Variants in FAM193A observed in about 807,000 individuals in gnomAD.
The protein encoded by FAM193A is protein FAM193A.
In FAM193A, 22 loss-of-function variants were observed where a neutral mutation model predicts 126.5. The ratio of observed to expected loss-of-function variants is 0.17; its 90% CI spans 0.12 to 0.25. The LOEUF (loss-of-function observed/expected upper bound fraction) is 0.25. Ranked by LOEUF, FAM193A falls within the 10% of genes least tolerant of loss-of-function variation. The pLI is 1.00. For missense variants in FAM193A, 1,675 were observed against 1,672.8 expected, an observed-to-expected ratio of 1.00 and a Z score of -0.02; for synonymous variants, 761 against 646.8, an observed-to-expected ratio of 1.18 and a Z score of -2.68.
At chr4:2,633,379 A>G (rs897996291) in intron 5 of FAM193A, among the ~76,000 whole-genome samples, 1 of 152,138 alleles carries the variant, frequency 6.6e-6, no homozygotes, top group African/African-American at 2.4e-5. Context: ...AGTCTGGGCA[A>G]CAGAGCGAGA....
intron 7 of FAM193A, among the ~76,000 whole-genome samples, chr4:2,651,240 G>A (rs1232646974): frequency 6.6e-6 from 1 of 152,204 alleles, no homozygotes; most frequent in East Asian, 1.9e-4. Context: ...TGAGGCAGGA[G>A]AGTCACTTGA....
At chr4:2,573,857 A>G (rs1739431022) in intron 1 of FAM193A, among the ~76,000 whole-genome samples, 1 of 152,034 alleles carries the variant, frequency 6.6e-6, no homozygotes, top group Non-Finnish European at 1.5e-5. Flanking sequence ...TGAGGGGTGC[A>G]CCCGGCTCTT....
In FAM193A at chr4:2,606,507, T is replaced by C. The variant is rs183888712; in HGVS notation, c.501+10178T>C. Among the ~76,000 whole-genome samples the C allele has an allele frequency of 3.8e-4, 58 of 152,332 alleles. 1 individual carries two copies. The East Asian group carries it at 9.6e-3, about 25-fold the overall frequency. On this transcript the variant is annotated intron_variant, in intron 2 of 20. Transcript: ENST00000637812. ...TTGTGGATATTTTTCTTTGATGCTG[T>C]ACCAAACCATGACAAGTTAGTTTCT... is the stretch of plus-strand genomic sequence containing the variant.
Position 2,556,332 on chromosome 4 carries a change from A to G in FAM193A, c.255+19162A>G, listed in dbSNP as rs1467873781. On this transcript the variant is annotated intron_variant, in intron 1 of 20. Coordinates refer to ENST00000637812, the MANE Select transcript of FAM193A (RefSeq NM_001366318.2). Reference sequence around the variant, plus strand: ...GCAATTCCCCTGCCTCAGCCTTCCGAGTAGCTGGGACTACAGGTACGCACC... The same window carrying G: ...GCAATTCCCCTGCCTCAGCCTTCCGGGTAGCTGGGACTACAGGTACGCACC... Among the ~76,000 whole-genome samples, 4 of 152,084 alleles carry G rather than the reference A, an allele frequency of 2.6e-5. No individual in the cohort carries two copies. The East Asian group carries it at 5.8e-4, about 22-fold the overall frequency.
At chr4:2,618,275 A>G (rs1319301799) in intron 2 of FAM193A, among the ~76,000 whole-genome samples, 1 of 152,142 alleles carries the variant, frequency 6.6e-6, no homozygotes, top group Non-Finnish European at 1.5e-5. Context: ...GTGGGCTTAC[A>G]TAGTGTGAAT....
intron 19 of FAM193A, among the ~76,000 whole-genome samples, chr4:2,706,500 T>C (rs1026543854): frequency 6.6e-6 from 1 of 152,008 alleles, no homozygotes; most frequent in Non-Finnish European, 1.5e-5. Flanking sequence ...TTCTCCTTGT[T>C]GGTCAGGCTG....
chr4:2,727,892 C>T (rs1241751926), intron 20 of FAM193A, among the ~76,000 whole-genome samples: 2 of 151,522 alleles, frequency 1.3e-5, no homozygotes, highest in African/African-American at 4.9e-5. Flanking sequence ...CAGTTCATTG[C>T]TGGGACTACA....
At chr4:2,720,729 A>G (rs1255008484) in intron 20 of FAM193A, among the ~76,000 whole-genome samples, 1 of 152,242 alleles carries the variant, frequency 6.6e-6, no homozygotes, top group African/African-American at 2.4e-5. Flanking sequence ...AGCATTTATA[A>G]TAGCACCAAA....
chr4:2,596,164 G>A lies in FAM193A; in HGVS notation c.336G>A (p.Arg112=). The change falls in exon 2 of 21, where the codon CGG becomes CGA. Residue 112 remains arginine, a synonymous_variant. Transcript: ENST00000637812. The stretch of plus-strand genomic sequence containing the variant: ...ATTGTCTTCTGTGCAGAAGTGAACG[G>A]AAAGACTCATCATTCTTAGAGAGTG... ...GDYCLLCRSE[R]KDSSFLESGI... 1 of 702,978 alleles carries A rather than the reference G, an allele frequency of 1.4e-6. No homozygotes were observed. The highest frequency in any genetic ancestry group is 2.6e-6 in the Non-Finnish European group (1 of 384,996). The allele number at this position is 702,978 out of a possible 1,614,324, so 43.5% of individuals were successfully genotyped here.
chr4:2,679,351 C>T (rs1020621747), intron 13 of FAM193A, among the ~76,000 whole-genome samples: 4 of 147,058 alleles, frequency 2.7e-5, no homozygotes, highest in Non-Finnish European at 4.5e-5. Context: ...TGTTCACAAG[C>T]GATACTCGTT....
intron 1 of FAM193A, among the ~76,000 whole-genome samples, chr4:2,544,987 ATTTC>A (rs1273987439): frequency 1.4e-4 from 21 of 151,626 alleles, no homozygotes; most frequent in African/African-American, 3.6e-4. Flanking sequence ...TTGACTTTGA[ATTTC>A]TTTCTTTCTT....
chr4:2,698,709 AAC>A (rs1449731446), intron 18 of FAM193A, among the ~76,000 whole-genome samples: 1 of 152,200 alleles, frequency 6.6e-6, no homozygotes, highest in Non-Finnish European at 1.5e-5. Flanking sequence ...CCGTGCTCCT[AAC>A]ACTGATGACT....
At chr4:2,602,799 T>C (rs1213085343) in intron 2 of FAM193A, among the ~76,000 whole-genome samples, 10 of 151,046 alleles carry the variant, frequency 6.6e-5, no homozygotes, top group Non-Finnish European at 1.0e-4. Flanking sequence ...TAGCTGGGAC[T>C]ACAGGCGCCC....
At chr4:2,601,894 A>G (rs1741220753) in intron 2 of FAM193A, among the ~76,000 whole-genome samples, 1 of 152,148 alleles carries the variant, frequency 6.6e-6, no homozygotes, top group South Asian at 2.1e-4. Context: ...GCCGGAATGC[A>G]GTGGCGTGAT....
At chr4:2,729,457 C>G (rs1721133213) in intron 20 of FAM193A, among the ~76,000 whole-genome samples, 1 of 152,212 alleles carries the variant, frequency 6.6e-6, no homozygotes, top group Non-Finnish European at 1.5e-5. Context: ...GCACTTGCCT[C>G]TCGAGTTGCC....
chr4:2,591,167 T>C (rs1334137231), intron 1 of FAM193A, among the ~76,000 whole-genome samples: 1 of 152,098 alleles, frequency 6.6e-6, no homozygotes, highest in East Asian at 1.9e-4. Flanking sequence ...GCCTCGCAGT[T>C]GTCTTGTAAA....
chr4:2,673,688 A>T (rs1226689800), intron 13 of FAM193A, among the ~76,000 whole-genome samples: 2 of 152,062 alleles, frequency 1.3e-5, no homozygotes, highest in African/African-American at 4.8e-5. Flanking sequence ...GAAGGTTTCC[A>T]CTCCCTGCTG....
Position 2,695,120 on chromosome 4 carries a change from G to A in FAM193A, c.3267G>A (p.Gly1089=). Residue 1089 remains glycine (G), a synonymous_variant, in exon 17 of 21, where the codon GGG becomes GGA. Coordinates refer to ENST00000637812, the MANE Select transcript of FAM193A (RefSeq NM_001366318.2). ...ACTGCTGCTACTGCGAATTCTTTGG[G>A]CACGGCGGGGTGAGTGCATGAGGTC... ...YCDCCYCEFF[G]HGGPPAAPTS... 1 of 1,598,264 alleles carries A rather than the reference G, an allele frequency of 6.3e-7. No homozygotes were observed.
intron 2 of FAM193A, among the ~76,000 whole-genome samples, chr4:2,604,749 T>C (rs1741427707): frequency 6.6e-6 from 1 of 151,378 alleles, no homozygotes; most frequent in Non-Finnish European, 1.5e-5. Context: ...AGACTTTACG[T>C]GGTTTTAATT....
Sources: gnomAD v4.1 joint callset for allele counts (sites outside exome capture counted in the v4.1 genomes callset) on GRCh38, gnomAD v4.1.1 for gene constraint, MANE v1.5 for transcripts, NCBI Gene and HGNC (gene_info 2026-07-23, HGNC 2026-07-21) for gene names.